Variants in FGGY observed in about 807,000 individuals in gnomAD.
FGGY encodes the protein FGGY carbohydrate kinase domain-containing protein.
Under a neutral mutation model 71.3 loss-of-function variants are expected in FGGY, and 72 were observed. The observed-to-expected ratio is 1.01, with a 90% CI of 0.84 to 1.23. The LOEUF (loss-of-function observed/expected upper bound fraction) is 1.23. FGGY is among the 50% of genes most tolerant of loss of function. FGGY has a pLI of 0.00. For missense variants in FGGY, 668 were observed against 682.3 expected (o/e 0.98, Z 0.23); for synonymous variants, 251 against 250.3 (o/e 1.00, Z -0.02).
At chr1:59,328,097 C>T (rs992435006) in intron 2 of FGGY, among the ~76,000 whole-genome samples, 1 of 152,158 alleles carries the variant, frequency 6.6e-6, no homozygotes, top group African/African-American at 2.4e-5. Context: ...TGCATTTGCC[C>T]CTAACAAGAG....
At chr1:59,308,483 A>G (rs762922360) in intron 1 of FGGY, among the ~76,000 whole-genome samples, 2 of 152,192 alleles carry the variant, frequency 1.3e-5, no homozygotes, top group Non-Finnish European at 2.9e-5. Context: ...TTTTTGCTGG[A>G]TGTCATTGCA....
intron 5 of FGGY, among the ~76,000 whole-genome samples, chr1:59,417,486 T>C (rs2064671226): frequency 6.6e-6 from 1 of 152,232 alleles, no homozygotes; most frequent in African/African-American, 2.4e-5. Context: ...TTGGGTTTTA[T>C]GGTAACACCA....
intron 8 of FGGY, among the ~76,000 whole-genome samples, chr1:59,573,842 T>C (rs916516353): frequency 6.6e-6 from 1 of 152,196 alleles, no homozygotes; most frequent in African/African-American, 2.4e-5. Flanking sequence ...GATTACATTT[T>C]TCTTCTGGCC....
intron 7 of FGGY, among the ~76,000 whole-genome samples, chr1:59,535,423 CGAGA>C (rs2095286361): frequency 6.6e-6 from 1 of 152,076 alleles, no homozygotes; most frequent in African/African-American, 2.4e-5. Context: ...GACAGATCAA[CGAGA>C]GAGAAAGTCA....
intron 6 of FGGY, among the ~76,000 whole-genome samples, chr1:59,474,635 C>T (rs1052975340): frequency 2.0e-5 from 3 of 152,186 alleles, no homozygotes; most frequent in African/African-American, 4.8e-5. Context: ...GGTAAATTTA[C>T]CCAATCCATT....
At chr1:59,717,703 G>A (rs1207523075) in intron 14 of FGGY, among the ~76,000 whole-genome samples, 2 of 152,136 alleles carry the variant, frequency 1.3e-5, no homozygotes, top group African/African-American at 4.8e-5. Context: ...CTTGAAGTAT[G>A]GAGATTTAGG....
At chr1:59,573,851 C>A (rs12751180) in intron 8 of FGGY, among the ~76,000 whole-genome samples, 4 of 152,128 alleles carry the variant, frequency 2.6e-5, no homozygotes, top group Non-Finnish European at 5.9e-5. Flanking sequence ...TTTCTTCTGG[C>A]CCTGGAAGCC....
At chr1:59,515,891 C>T (rs941234318) in intron 7 of FGGY, among the ~76,000 whole-genome samples, 2 of 152,070 alleles carry the variant, frequency 1.3e-5, no homozygotes, top group African/African-American at 4.8e-5. Context: ...TAACTTTCCC[C>T]CATATTTTTG....
chr1:59,667,730 G>A (rs1057008430), intron 13 of FGGY, among the ~76,000 whole-genome samples: 3 of 152,148 alleles, frequency 2.0e-5, no homozygotes, highest in Admixed American at 6.5e-5. Flanking sequence ...GGAGAATATT[G>A]AAGATACGAA....
chr1:59,652,089 C>G (rs1355231211), intron 11 of FGGY, among the ~76,000 whole-genome samples: 1 of 152,114 alleles, frequency 6.6e-6, no homozygotes, highest in Non-Finnish European at 1.5e-5. Context: ...CCCCCACTCT[C>G]TTCTGGCTTG....
chr1:59,331,103 A>C (rs60481457), intron 2 of FGGY, among the ~76,000 whole-genome samples: 4,644 of 152,178 alleles, frequency 0.031, 260 homozygotes, highest in African/African-American at 0.11. Flanking sequence ...GACTATTGGC[A>C]GAGGAATAAA....
At chr1:59,575,141 T>C (rs1052431071) in intron 8 of FGGY, among the ~76,000 whole-genome samples, 5 of 152,204 alleles carry the variant, frequency 3.3e-5, no homozygotes, top group African/African-American at 1.2e-4. Flanking sequence ...ACTCTCTTAG[T>C]AATTTTCAAA....
chr1:59,667,021 T>A (rs948657715), intron 12 of FGGY, among the ~76,000 whole-genome samples: 1 of 152,224 alleles, frequency 6.6e-6, no homozygotes, highest in Non-Finnish European at 1.5e-5. Flanking sequence ...ACTGTTTTTG[T>A]CAGTGTTGTG....
intron 5 of FGGY, among the ~76,000 whole-genome samples, chr1:59,454,373 C>T (rs2091479022): frequency 6.6e-6 from 1 of 152,162 alleles, no homozygotes; most frequent in Non-Finnish European, 1.5e-5. Flanking sequence ...ATATTGTATA[C>T]TCTTCAGAAC....
intron 14 of FGGY, among the ~76,000 whole-genome samples, chr1:59,726,749 C>G (rs2097952605): frequency 6.6e-6 from 1 of 151,786 alleles, no homozygotes; most frequent in Non-Finnish European, 1.5e-5. Context: ...TCTTGATTAC[C>G]CTGGCTAAAG....
At chr1:59,704,552 G>A (rs544947339) in intron 14 of FGGY, among the ~76,000 whole-genome samples, 17 of 152,098 alleles carry the variant, frequency 1.1e-4, no homozygotes, top group African/African-American at 3.9e-4. Flanking sequence ...AATAGTAGAG[G>A]ATGAAAAAGA....
intron 6 of FGGY, among the ~76,000 whole-genome samples, chr1:59,483,067 CA>C (rs1314364119): frequency 1.3e-5 from 2 of 152,094 alleles, no homozygotes; most frequent in Non-Finnish European, 2.9e-5. Context: ...GGTTCCCAGC[CA>C]CACTTTGAGA....
chr1:59,472,934 T>G (rs1572611514), intron 6 of FGGY, among the ~76,000 whole-genome samples: 1 of 151,962 alleles, frequency 6.6e-6, no homozygotes, highest in South Asian at 2.1e-4. Flanking sequence ...TGGTGGGGAC[T>G]TGGAGAACCT....
chr1:59,488,555 ATATT>A lies in FGGY; in HGVS notation c.671-23755_671-23752del, dbSNP rs2093726766. The stretch of plus-strand genomic sequence containing the variant: ...AATATGTATTATGTATATATTATAT[ATATT>A]ATATGTATCTATAATAAAATTTATA... On this transcript the variant is annotated intron_variant, in intron 6 of 15. Transcript: ENST00000303721. Among the ~76,000 whole-genome samples, 5 of 147,958 alleles carry A rather than the reference ATATT, an allele frequency of 3.4e-5. No homozygotes were observed. The South Asian group carries it at 1.0e-3, about 31-fold the overall frequency.
Sources: allele counts gnomAD v4.1 joint callset (sites outside exome capture counted in the v4.1 genomes callset), GRCh38; gene constraint gnomAD v4.1.1; transcripts MANE v1.5; gene names NCBI Gene and HGNC (gene_info 2026-07-23, HGNC 2026-07-21).